Variants in KIAA1549L observed in about 807,000 individuals in gnomAD.
The protein encoded by KIAA1549L is UPF0606 protein KIAA1549L.
A neutral mutation model predicts 160.7 loss-of-function variants in KIAA1549L; 88 were observed. The ratio of observed to expected loss-of-function variants is 0.55; its 90% confidence interval spans 0.46 to 0.65. The LOEUF is 0.65. Among genes scored for constraint, KIAA1549L ranks in the 30% least tolerant of loss-of-function variants. KIAA1549L has a pLI of 0.00. For synonymous variants in KIAA1549L, 950 were observed against 976.7 expected, an observed-to-expected ratio of 0.97 and a Z score of 0.51; for missense variants, 2,258 against 2,437.5, an observed-to-expected ratio of 0.93 and a Z score of 1.55.
At position 33,542,432 on chromosome 11, in the gene KIAA1549L, C is replaced by T; in HGVS notation, c.869C>T (p.Pro290Leu). 5.0e-6 allele frequency: 8 copies of T among 1,589,366 alleles called. No individual in the cohort carries two copies. The highest frequency in any genetic ancestry group is 6.9e-6 in the Non-Finnish European group (8 of 1,165,132). ...DPSLGQNIANPLIPFSDEMDH... is the reference protein window; with the variant it reads ...DPSLGQNIANLLIPFSDEMDH... Reference sequence around the variant, plus strand: ...TCTTTAGGTCAGAACATAGCTAATCCCTTAATCCCATTTTCTGATGAAATG... The same window carrying T: ...TCTTTAGGTCAGAACATAGCTAATCTCTTAATCCCATTTTCTGATGAAATG... Residue 290 changes from proline (P) to leucine (L), a missense_variant, in exon 2 of 21, where the codon CCC becomes CTC. Pro to Leu is a moderately conservative substitution (Grantham distance 98). Coordinates refer to ENST00000658780, the MANE Select transcript of KIAA1549L (RefSeq NM_012194.3).
intron 16 of KIAA1549L, among the ~76,000 whole-genome samples, chr11:33,632,024 C>T (rs1322795855): frequency 6.6e-6 from 1 of 152,192 alleles, no homozygotes; most frequent in Non-Finnish European, 1.5e-5. Context: ...ATATCAAAAC[C>T]ATAGGCTGAT....
At chr11:33,554,978 C>T (rs1429930703) in intron 6 of KIAA1549L, among the ~76,000 whole-genome samples, 1 of 152,174 alleles carries the variant, frequency 6.6e-6, no homozygotes, top group Non-Finnish European at 1.5e-5. Flanking sequence ...AAAGTGTTCC[C>T]TGTAGGGACT....
intron 19 of KIAA1549L, among the ~76,000 whole-genome samples, chr11:33,660,561 T>C (rs1309742118): frequency 7.8e-6 from 1 of 128,660 alleles, no homozygotes. Context: ...CGAGACTCCG[T>C]CTCAAAAAAA....
chr11:33,526,755 A>G (rs1419402518), intron 1 of KIAA1549L, among the ~76,000 whole-genome samples: 1 of 152,138 alleles, frequency 6.6e-6, no homozygotes, highest in Non-Finnish European at 1.5e-5. Context: ...GTTCTATAAC[A>G]CCCTAAAAGA....
At chr11:33,508,523 T>A (rs151203469) in intron 1 of KIAA1549L, among the ~76,000 whole-genome samples, 113 of 152,270 alleles carry the variant, frequency 7.4e-4, no homozygotes, top group African/African-American at 2.4e-3. Context: ...AGCATTAGGG[T>A]AGAAAAATTA....
intron 18 of KIAA1549L, 47 bp from the exon 19 acceptor site, chr11:33,658,703 G>A (rs11032332): frequency 0.28 from 429,999 of 1,548,102 alleles, 60,895 homozygotes; most frequent in South Asian, 0.35. Context: ...TCGGGACGCC[G>A]CCTGAGGTCT....
chr11:33,510,911 G>A (rs1197743963), intron 1 of KIAA1549L, among the ~76,000 whole-genome samples: 1 of 152,228 alleles, frequency 6.6e-6, no homozygotes, highest in African/African-American at 2.4e-5. Context: ...GGAGCAGCAT[G>A]GTGCTGCAGA....
chr11:33,600,562 T>TTTCC (rs1324053329), intron 13 of KIAA1549L, among the ~76,000 whole-genome samples: 2 of 128,488 alleles, frequency 1.6e-5, no homozygotes, highest in Non-Finnish European at 3.2e-5. Flanking sequence ...CCTTCCTTCC[T>TTTCC]TTCCTTCCTT....
At chr11:33,599,995 T>G (rs777043049) in intron 13 of KIAA1549L, among the ~76,000 whole-genome samples, 1 of 152,168 alleles carries the variant, frequency 6.6e-6, no homozygotes, top group Non-Finnish European at 1.5e-5. Flanking sequence ...AATATCACTT[T>G]TATTTTTTTT....
chr11:33,661,126 T>A, intron 20 of KIAA1549L, 112 bp downstream of exon 20: 1 of 1,059,662 alleles, frequency 9.4e-7, no homozygotes, highest in Non-Finnish European at 1.3e-6. Flanking sequence ...CTCCTCACAG[T>A]ACCCGGATGA....
chr11:33,543,058 G>T lies in KIAA1549L; in HGVS notation c.1495G>T (p.Ala499Ser). The T allele has an allele frequency of 6.2e-7, 1 of 1,613,894 alleles. No individual in the cohort carries two copies. Residue 499 changes from alanine to serine, a missense_variant, in exon 2 of 21, where the codon GCC (alanine) becomes TCC (serine). Ala to Ser is a moderately conservative substitution (Grantham distance 99). Around this residue, in one of 6 missense-constraint regions of KIAA1549L, gnomAD observed 540 missense variants for 465.7 expected, o/e 1.16. Coordinates refer to ENST00000658780, the MANE Select transcript of KIAA1549L (RefSeq NM_012194.3). ...AVPASPSTGT[A>S]DFPSILTFLQ... ...TCCCGCATCACCATCAACTGGGACA[G>T]CCGACTTTCCCTCCATACTTACTTT...
At chr11:33,400,236 T>C (rs1393806755) in intron 1 of KIAA1549L, among the ~76,000 whole-genome samples, 1 of 152,226 alleles carries the variant, frequency 6.6e-6, no homozygotes, top group Admixed American at 6.5e-5. Context: ...TAGGTAAGGT[T>C]TCCAAAGTGA....
At chr11:33,403,789 C>G (rs1330730472) in intron 1 of KIAA1549L, among the ~76,000 whole-genome samples, 1 of 152,142 alleles carries the variant, frequency 6.6e-6, no homozygotes, top group African/African-American at 2.4e-5. Flanking sequence ...GATTTCATCA[C>G]CCATTAGTAG....
chr11:33,461,832 A>C (rs541658952), intron 1 of KIAA1549L, among the ~76,000 whole-genome samples: 1 of 152,302 alleles, frequency 6.6e-6, no homozygotes, highest in African/African-American at 2.4e-5. Context: ...ATCGAGAGAT[A>C]GCTTGTCTAG....
intron 13 of KIAA1549L, 73 bp downstream of exon 13, chr11:33,599,020 T>G: frequency 6.4e-7 from 1 of 1,554,882 alleles, no homozygotes; most frequent in Non-Finnish European, 8.8e-7. Flanking sequence ...CGTGCACACG[T>G]GTGCACAAAC....
chr11:33,634,874 A>G (rs376375861), intron 16 of KIAA1549L, among the ~76,000 whole-genome samples: 2 of 152,198 alleles, frequency 1.3e-5, no homozygotes, highest in South Asian at 2.1e-4. Flanking sequence ...TCACATCCTC[A>G]TAGCCCTGGA....
chr11:33,465,350 G>A (rs1230781562), intron 1 of KIAA1549L, among the ~76,000 whole-genome samples: 1 of 152,028 alleles, frequency 6.6e-6, no homozygotes, highest in Non-Finnish European at 1.5e-5. Flanking sequence ...CACCGTGCCC[G>A]GCCCCAGGGG....
chr11:33,406,731 A>T (rs1590223997), intron 1 of KIAA1549L, among the ~76,000 whole-genome samples: 2 of 152,184 alleles, frequency 1.3e-5, no homozygotes, highest in African/African-American at 4.8e-5. Context: ...TTTCTTCACG[A>T]ATCTAATTGT....
chr11:33,544,672 C>A, intron 2 of KIAA1549L, 95 bp from the exon 3 acceptor site: 1 of 1,468,494 alleles, frequency 6.8e-7, no homozygotes, highest in East Asian at 2.3e-5. Context: ...GAGACTTCAC[C>A]CTAGCAAATC....
Sources: gnomAD v4.1 joint callset for allele counts (sites outside exome capture counted in the v4.1 genomes callset) on GRCh38, gnomAD v4.1.1 for gene constraint, gnomAD v4.1.1 regional missense constraint, MANE v1.5 for transcripts, NCBI Gene and HGNC (gene_info 2026-07-23, HGNC 2026-07-21) for gene names.